The following TENM2 variants were observed in gnomAD, a reference collection of about 807,000 sequenced individuals.
TENM2 encodes teneurin transmembrane protein 2.
Under a neutral mutation model 245.2 loss-of-function variants are expected in TENM2, and 52 were observed. The ratio of observed to expected loss-of-function variants is 0.21; its 90% CI spans 0.17 to 0.27. The LOEUF (loss-of-function observed/expected upper bound fraction) is 0.27, where lower values mean the gene tolerates loss of function less well. Ranked by LOEUF, TENM2 falls within the 10% of genes least tolerant of loss-of-function variation. TENM2 has a pLI of 1.00. For synonymous variants in TENM2, 1,363 were observed against 1,438.9 expected, an observed-to-expected ratio of 0.95 and a Z score of 1.19; for missense variants, 3,046 against 3,666.8, an observed-to-expected ratio of 0.83 and a Z score of 4.37.
At chr5:167,339,944 G>A (rs1296818740) in intron 1 of TENM2, among the ~76,000 whole-genome samples, 1 of 152,142 alleles carries the variant, frequency 6.6e-6, no homozygotes, top group Non-Finnish European at 1.5e-5. Context: ...ATAGAACTAT[G>A]AGAAATACAT....
intron 2 of TENM2, among the ~76,000 whole-genome samples, chr5:167,513,043 A>G (rs1361858123): frequency 2.0e-5 from 3 of 152,220 alleles, no homozygotes; most frequent in African/African-American, 7.2e-5. Flanking sequence ...TTATTGTGGA[A>G]GAGTTGAAAC....
chr5:167,414,268 A>G (rs1053672721), intron 2 of TENM2, among the ~76,000 whole-genome samples: 1 of 152,180 alleles, frequency 6.6e-6, no homozygotes, highest in South Asian at 2.1e-4. Context: ...CTCTAAGTGC[A>G]TGAAATGATC....
chr5:167,412,280 A>G (rs7704674), intron 2 of TENM2, among the ~76,000 whole-genome samples: 101,939 of 151,820 alleles, frequency 0.67, 34,651 homozygotes, highest in Admixed American at 0.74. Context: ...TCCCAGGAGC[A>G]GCAGCATTAT....
chr5:167,356,217 A>AAAAAAAAAAAAAAAAAGAAAACTT (rs1759321624), intron 1 of TENM2, among the ~76,000 whole-genome samples: 1 of 129,104 alleles, frequency 7.7e-6, no homozygotes, highest in African/African-American at 3.2e-5. Context: ...AAAAAAAAAA[A>AAAAAAAAAAAAAAAAAGAAAACTT]AAAATTAAAA....
chr5:167,243,697 C>T, the TENM2 span, among the ~76,000 whole-genome samples: 6 of 152,180 alleles, frequency 3.9e-5, no homozygotes, highest in African/African-American at 1.4e-4. Context: ...TTTTTGAGAT[C>T]TTGTGATATT....
At chr5:167,229,592 G>T in the TENM2 span, among the ~76,000 whole-genome samples, 5 of 152,192 alleles carry the variant, frequency 3.3e-5, no homozygotes, top group South Asian at 6.2e-4. Context: ...AGCTCTGATG[G>T]TAGCAGCACA....
chr5:167,753,824 T>C (rs937341203), intron 2 of TENM2, among the ~76,000 whole-genome samples: 81 of 152,164 alleles, frequency 5.3e-4, no homozygotes, highest in African/African-American at 1.8e-3. Context: ...GATCATGGTG[T>C]ATTCCATGGT....
In TENM2 at chr5:167,678,716, C is replaced by T. The variant is rs149474025; in HGVS notation, c.503-197270C>T. Among the ~76,000 whole-genome samples, 82 of 152,082 alleles carry T rather than the reference C, an allele frequency of 5.4e-4. 1 individual carries two copies. Among genetic ancestry groups the T allele is most frequent in the Admixed American group, 4.0e-3 (61 of 15,240 alleles). ...AAGAAACCCTTGGTGCCAATCAGGC[C>T]AGAATAGCAGCAGACAAGACGCCTT... On this transcript the variant is annotated intron_variant, in intron 2 of 28. Transcript: ENST00000518659.
intron 1 of TENM2, among the ~76,000 whole-genome samples, chr5:167,350,584 G>A (rs1337378172): frequency 1.4e-5 from 2 of 139,362 alleles, no homozygotes; most frequent in Non-Finnish European, 3.1e-5. Flanking sequence ...TATATATATG[G>A]GATATATATA....
At position 167,898,319 on chromosome 5, in the gene TENM2, A is replaced by G. The variant is rs1269150381; in HGVS notation, c.712+22124A>G. On this transcript the variant is annotated intron_variant, in intron 3 of 28. Transcript: ENST00000518659. ...ATTGGAAATTCTAGGGGTGGGGCCC[A>G]TAAAGCTGTGGTTTAACCAGCTTTC... Among the ~76,000 whole-genome samples, 4 of 152,118 alleles carry G rather than the reference A, an allele frequency of 2.6e-5. No homozygotes were observed. In the East Asian group the frequency reaches 5.8e-4, roughly 22 times the overall value.
the TENM2 span, among the ~76,000 whole-genome samples, chr5:167,217,765 A>G: frequency 2.0e-5 from 3 of 150,006 alleles, no homozygotes; most frequent in Non-Finnish European, 4.4e-5. Context: ...ACAGATATAT[A>G]TATATAAAAG....
At chr5:167,762,005 A>G (rs947295050) in intron 2 of TENM2, among the ~76,000 whole-genome samples, 68 of 152,240 alleles carry the variant, frequency 4.5e-4, no homozygotes, top group African/African-American at 1.6e-3. Flanking sequence ...TCAGCTAGAA[A>G]GAATTAAGTA....
chr5:168,160,885 G>A (rs536296487), intron 12 of TENM2, among the ~76,000 whole-genome samples: 28 of 152,024 alleles, frequency 1.8e-4, no homozygotes, highest in African/African-American at 4.8e-4. Flanking sequence ...AGAAAAAATC[G>A]CTGGGCATGG....
chr5:168,099,610 G>A (rs1285893268), intron 9 of TENM2, among the ~76,000 whole-genome samples: 1 of 152,096 alleles, frequency 6.6e-6, no homozygotes, highest in African/African-American at 2.4e-5. Context: ...AGACCTTCCT[G>A]CCTTGACTTT....
At chr5:167,690,991 G>C (rs189136218) in intron 2 of TENM2, among the ~76,000 whole-genome samples, 1 of 148,154 alleles carries the variant, frequency 6.7e-6, no homozygotes, top group African/African-American at 2.5e-5. Flanking sequence ...AGGAATATAA[G>C]CAATGAAATG....
chr5:167,450,733 A>C (rs985084955), intron 2 of TENM2, among the ~76,000 whole-genome samples: 1 of 152,182 alleles, frequency 6.6e-6, no homozygotes, highest in African/African-American at 2.4e-5. Flanking sequence ...GGTTTAAATC[A>C]GCATGTATGT....
the TENM2 span, among the ~76,000 whole-genome samples, chr5:167,007,090 C>A: frequency 6.6e-6 from 1 of 152,178 alleles, no homozygotes; most frequent in Admixed American, 6.5e-5. This position sits in a 1 kb window ranked among gnomAD's most constrained non-coding sequence, Gnocchi z 4.2. Context: ...AATTCATTTA[C>A]CCATTCTCCT....
chr5:168,202,887 G>A (rs959469155), intron 17 of TENM2, among the ~76,000 whole-genome samples: 1 of 152,286 alleles, frequency 6.6e-6, no homozygotes, highest in South Asian at 2.1e-4. Context: ...AATTAAAAAT[G>A]TATGGCATCT....
At chr5:167,561,033 G>A (rs527757499) in intron 2 of TENM2, among the ~76,000 whole-genome samples, 7 of 152,316 alleles carry the variant, frequency 4.6e-5, no homozygotes, top group South Asian at 2.1e-4. Flanking sequence ...TGCCAGTTGA[G>A]AAATCGCTAT....
Sources: allele counts gnomAD v4.1 joint callset (sites outside exome capture counted in the v4.1 genomes callset), GRCh38; gene constraint gnomAD v4.1.1; non-coding constraint Gnocchi (gnomAD v3.1); transcripts MANE v1.5; gene names NCBI Gene and HGNC (gene_info 2026-07-23, HGNC 2026-07-21).